IL17RD: variants seen among roughly 807,000 people sequenced by gnomAD.
IL17RD encodes interleukin 17 receptor D.
A neutral mutation model predicts 80.5 loss-of-function variants in IL17RD; 52 were observed. The observed-to-expected ratio is 0.65, with a 90% CI of 0.52 to 0.81. The LOEUF is 0.81. Among genes scored for constraint, IL17RD ranks in the 40% least tolerant of loss-of-function variants. IL17RD has a pLI of 0.00. For missense variants in IL17RD, 1,024 were observed against 955.1 expected, an observed-to-expected ratio of 1.07 and a Z score of -0.95; for synonymous variants, 416 against 391.8, an observed-to-expected ratio of 1.06 and a Z score of -0.73.
Position 57,098,287 on chromosome 3 carries a change from G to T in IL17RD, c.1416C>A (p.Leu472=). 6.2e-7 allele frequency: 1 copy of T among 1,613,992 alleles called. No homozygotes were observed. Among genetic ancestry groups the T allele is most frequent in the Non-Finnish European group, 8.5e-7 (1 of 1,179,896 alleles). The change falls in exon 12 of 13, where the codon CTC becomes CTA. Residue 472 remains leucine (L), a synonymous_variant. Transcript: ENST00000296318. The part of the protein sequence containing the change: ...RQAKQSSSAA[L]SKFIAVYFDY... ...CAAAGTAGACGGCGATAAACTTGCT[G>T]AGCGCCGCGGACGAACTCTGCTTGG... is the stretch of plus-strand genomic sequence containing the variant.
intron 5 of IL17RD, 134 bp downstream of exon 5, chr3:57,109,403 C>T (rs1707041133): frequency 1.1e-6 from 1 of 889,552 alleles, no homozygotes; most frequent in African/African-American, 1.7e-5. Context: ...CCTCGGCCTC[C>T]CAAAGTGCTG....
intron 10 of IL17RD, among the ~76,000 whole-genome samples, chr3:57,102,214 G>A (rs541727444): frequency 3.5e-4 from 53 of 152,338 alleles, no homozygotes; most frequent in African/African-American, 1.2e-3. Flanking sequence ...AGCCTGCAGT[G>A]AGCTATGACT....
At chr3:57,164,947 G>T (rs928158448) in intron 1 of IL17RD, 1 of 1,308,880 alleles carries the variant, frequency 7.6e-7, no homozygotes, top group Non-Finnish European at 9.7e-7. Flanking sequence ...CACAAAGCCG[G>T]GGTCGGGCAG....
rs568623597 is a variant in IL17RD at position 57,159,086 on chromosome 3, A to G, written c.126+6075T>C. Among the ~76,000 whole-genome samples, 5 of 152,088 alleles carry G rather than the reference A, an allele frequency of 3.3e-5. No homozygotes were observed. The East Asian group carries it at 9.7e-4, about 29-fold the overall frequency. On this transcript the variant is annotated intron_variant, in intron 1 of 12. Coordinates refer to ENST00000296318, the MANE Select transcript of IL17RD (RefSeq NM_017563.5). ...CTTTAACCTGCCATATATAGATAAA[A>G]CACACACTGACTTAATTTACAATGT...
At chr3:57,158,307 GCCATCTACTGCC>G in intron 1 of IL17RD, among the ~76,000 whole-genome samples, 1 of 152,170 alleles carries the variant, frequency 6.6e-6, no homozygotes, top group East Asian at 1.9e-4. Context: ...AATAATACTT[GCCATCTACTGCC>G]CTTTCAAGTC....
chr3:57,118,203 T>C lies in IL17RD; in HGVS notation c.184+2053A>G, dbSNP rs1050755880. Among the ~76,000 whole-genome samples, 13 of 152,362 alleles carry C rather than the reference T, an allele frequency of 8.5e-5. No homozygotes were observed. In the East Asian group the frequency reaches 1.2e-3, roughly 14 times the overall value. On this transcript the variant is annotated intron_variant, in intron 2 of 12. Coordinates refer to ENST00000296318, the MANE Select transcript of IL17RD (RefSeq NM_017563.5). ...CTTTACTTAGCTGAACCAAGTATCA[T>C]GGATGTGCAAATCTTTCATTAGCAT...
chr3:57,154,283 T>TATATATATATATACACACACACAC (rs904157398), intron 1 of IL17RD, among the ~76,000 whole-genome samples: 2 of 112,908 alleles, frequency 1.8e-5, no homozygotes, highest in African/African-American at 6.3e-5. Context: ...TATATATATA[T>TATATATATATATACACACACACAC]ACACACACAC....
At position 57,109,541 on chromosome 3, in the gene IL17RD, G is replaced by C. The variant is rs777897767; in HGVS notation, c.546C>G (p.Thr182=). ...GGCAGGAAAGGCCATACTCACCTCGGGTTCTAAAGAAGAAAGGGTGGTAAT... is the reference window on the plus strand; with the variant it reads ...GGCAGGAAAGGCCATACTCACCTCGCGTTCTAAAGAAGAAAGGGTGGTAAT... ...ESNYHPFFFR[T]RACDLLLQPD... Residue 182 remains threonine, a synonymous_variant, in exon 5 of 13, where the codon ACC becomes ACG. Coordinates refer to ENST00000296318, the MANE Select transcript of IL17RD (RefSeq NM_017563.5). 1.9e-6 allele frequency: 3 copies of C among 1,613,508 alleles called. No homozygotes were observed. The highest frequency in any genetic ancestry group is 3.3e-5 in the Admixed American group (2 of 59,944).
intron 1 of IL17RD, among the ~76,000 whole-genome samples, chr3:57,152,914 A>C (rs1220136443): frequency 3.3e-5 from 5 of 152,210 alleles, no homozygotes; most frequent in Non-Finnish European, 4.4e-5. Context: ...TTTTGGTGTG[A>C]GGAAGCAGTC....
At chr3:57,132,679 C>G (rs1409871133) in intron 1 of IL17RD, among the ~76,000 whole-genome samples, 1 of 152,216 alleles carries the variant, frequency 6.6e-6, no homozygotes, top group Non-Finnish European at 1.5e-5. Context: ...ACAACTTACA[C>G]TGTTGAGCAC....
intron 1 of IL17RD, among the ~76,000 whole-genome samples, chr3:57,138,559 C>A (rs1707771243): frequency 1.3e-5 from 2 of 152,046 alleles, no homozygotes; most frequent in Admixed American, 1.3e-4. Context: ...AAATACAATA[C>A]CGAGGTGATG....
intron 1 of IL17RD, among the ~76,000 whole-genome samples, chr3:57,126,605 C>T (rs1707464002): frequency 6.6e-6 from 1 of 152,192 alleles, no homozygotes; most frequent in Non-Finnish European, 1.5e-5. Flanking sequence ...CATTTGAAGA[C>T]ACTAACTTCC....
At chr3:57,157,453 C>T (rs2060275779) in intron 1 of IL17RD, among the ~76,000 whole-genome samples, 1 of 152,318 alleles carries the variant, frequency 6.6e-6, no homozygotes, top group South Asian at 2.1e-4. Flanking sequence ...GGTCCCACAA[C>T]CTAACACAGG....
At chr3:57,118,174 A>G (rs925772803) in intron 2 of IL17RD, among the ~76,000 whole-genome samples, 1 of 152,210 alleles carries the variant, frequency 6.6e-6, no homozygotes, top group South Asian at 2.1e-4. Flanking sequence ...GATCCCTTCC[A>G]CGTCTTTACT....
intron 1 of IL17RD, among the ~76,000 whole-genome samples, chr3:57,156,821 A>C (rs2060270451): frequency 1.3e-5 from 2 of 151,162 alleles, no homozygotes; most frequent in Non-Finnish European, 2.9e-5. Flanking sequence ...CCCACATCTT[A>C]CTTTCTGCCC....
intron 1 of IL17RD, chr3:57,150,184 T>A (rs1005648490): frequency 4.6e-5 from 7 of 152,190 alleles, no homozygotes. Context: ...ACTCCAAGAA[T>A]GCTCCTCAGG....
intron 3 of IL17RD, 42 bp downstream of exon 3, chr3:57,114,650 C>T: frequency 6.4e-7 from 1 of 1,553,846 alleles, no homozygotes; most frequent in South Asian, 1.3e-5. Context: ...TGGGCCCTAT[C>T]CACCCAGGTT....
At chr3:57,101,119 G>T in intron 11 of IL17RD, 60 bp downstream of exon 11, 1 of 1,395,238 alleles carries the variant, frequency 7.2e-7, no homozygotes, top group Non-Finnish European at 1.0e-6. Flanking sequence ...AAGGCAGCGG[G>T]GAGAGAGTAC....
chr3:57,148,407 C>T (rs1377909639), intron 1 of IL17RD, among the ~76,000 whole-genome samples: 1 of 151,884 alleles, frequency 6.6e-6, no homozygotes, highest in African/African-American at 2.4e-5. Flanking sequence ...GCTTTCAAGT[C>T]AGTCCTATTT....
Sources: gnomAD v4.1 joint callset for allele counts (sites outside exome capture counted in the v4.1 genomes callset) on GRCh38, gnomAD v4.1.1 for gene constraint, MANE v1.5 for transcripts, NCBI Gene and HGNC (gene_info 2026-07-23, HGNC 2026-07-21) for gene names.